Variants in DENND1B observed in about 807,000 individuals in gnomAD.
DENND1B encodes the protein DENN domain-containing protein 1B.
In DENND1B, 59 loss-of-function variants were observed where a neutral mutation model predicts 90.1. The ratio of observed to expected loss-of-function variants is 0.65; its 90% CI spans 0.53 to 0.81. The LOEUF is 0.81. Among genes scored for constraint, DENND1B ranks in the 40% least tolerant of loss-of-function variants. The pLI is 0.00. For synonymous variants in DENND1B, 337 were observed against 324.6 expected (o/e 1.04, Z -0.41); for missense variants, 862 against 912.6 (o/e 0.94, Z 0.71).
chr1:197,602,827 T>C (rs1462404469), intron 13 of DENND1B, among the ~76,000 whole-genome samples: 1 of 151,514 alleles, frequency 6.6e-6, no homozygotes, highest in Non-Finnish European at 1.5e-5. Flanking sequence ...TTCAAATATT[T>C]GATATCAGAA....
intron 3 of DENND1B, among the ~76,000 whole-genome samples, chr1:197,679,513 A>G (rs1411963158): frequency 2.0e-5 from 3 of 151,810 alleles, no homozygotes; most frequent in African/African-American, 7.2e-5. Context: ...CCCATTTTAT[A>G]TAAAGGACTT....
intron 2 of DENND1B, among the ~76,000 whole-genome samples, chr1:197,718,620 C>A (rs1284500184): frequency 6.6e-6 from 1 of 151,776 alleles, no homozygotes; most frequent in Non-Finnish European, 1.5e-5. Context: ...ACTGCAGGAG[C>A]ACATAATAAG....
At chr1:197,701,084 T>C (rs560024597) in intron 3 of DENND1B, among the ~76,000 whole-genome samples, 36 of 152,274 alleles carry the variant, frequency 2.4e-4, no homozygotes, top group African/African-American at 7.9e-4. Context: ...ACTAAGCATA[T>C]ACCCAAAGGA....
At chr1:197,779,031 C>T (rs1489051651), upstream of DENND1B, among the ~76,000 whole-genome samples, 1 of 152,146 alleles carries the variant, frequency 6.6e-6, no homozygotes, top group East Asian at 1.9e-4. Context: ...TTGTTTTATA[C>T]AGTCCATGTT....
chr1:197,589,993 A>AT (rs974411319), intron 14 of DENND1B, among the ~76,000 whole-genome samples: 1 of 152,102 alleles, frequency 6.6e-6, no homozygotes, highest in Non-Finnish European at 1.5e-5. Flanking sequence ...AATTTGACTT[A>AT]TTTTTTTATA....
At chr1:197,757,172 T>C (rs918456602) in intron 2 of DENND1B, 1 of 152,068 alleles carries the variant, frequency 6.6e-6, no homozygotes, top group Middle Eastern at 3.2e-3. Context: ...CATCATAGGT[T>C]TACAGAAGAA....
At chr1:197,726,982 A>C (rs1470873500) in intron 2 of DENND1B, among the ~76,000 whole-genome samples, 1 of 152,228 alleles carries the variant, frequency 6.6e-6, no homozygotes, top group African/African-American at 2.4e-5. Flanking sequence ...AAGCAAATGA[A>C]AGTAGAGATG....
Position 197,746,831 on chromosome 1 carries a change from G to A in DENND1B, c.82+26037C>T, listed in dbSNP as rs959452942. The A allele has an allele frequency of 1.9e-6, 3 of 1,611,352 alleles. No homozygotes were observed. The African/African-American group carries it at 4.0e-5, about 22-fold the overall frequency. On this transcript the variant is annotated intron_variant, in intron 2 of 22. Coordinates refer to ENST00000620048, the MANE Select transcript of DENND1B (RefSeq NM_001195215.2). ...TGCAAGTTTCTTCTTTTTGGGGGCA[G>A]CCTGTGAATTTTCAACCTCCTTTTT...
At chr1:197,517,554 C>T (rs1177914399) in intron 20 of DENND1B, among the ~76,000 whole-genome samples, 1 of 151,872 alleles carries the variant, frequency 6.6e-6, no homozygotes, top group Non-Finnish European at 1.5e-5. Flanking sequence ...TTCAAAAATA[C>T]GTAGTAACTG....
chr1:197,729,313 G>GAT (rs1661941898), intron 2 of DENND1B, among the ~76,000 whole-genome samples: 2 of 151,968 alleles, frequency 1.3e-5, no homozygotes, highest in South Asian at 2.1e-4. Flanking sequence ...CCATTCAATG[G>GAT]ATATATATAA....
At chr1:197,675,469 G>A (rs1464605065) in intron 3 of DENND1B, among the ~76,000 whole-genome samples, 1 of 151,800 alleles carries the variant, frequency 6.6e-6, no homozygotes, top group Non-Finnish European at 1.5e-5. Flanking sequence ...TCTTAGGGCA[G>A]GGTACCCTGG....
At chr1:197,752,650 A>G (rs1202651659) in intron 2 of DENND1B, among the ~76,000 whole-genome samples, 1 of 151,632 alleles carries the variant, frequency 6.6e-6, no homozygotes, top group Admixed American at 6.6e-5. Context: ...TTTTTTCTTT[A>G]TTATTATTAT....
intron 10 of DENND1B, among the ~76,000 whole-genome samples, chr1:197,618,874 T>C (rs924736222): frequency 6.6e-6 from 1 of 151,124 alleles, no homozygotes; most frequent in Non-Finnish European, 1.5e-5. Context: ...CACAATTAAT[T>C]TAAAAAAATG....
intron 15 of DENND1B, among the ~76,000 whole-genome samples, chr1:197,575,407 G>A (rs951190606): frequency 1.3e-5 from 2 of 152,148 alleles, no homozygotes; most frequent in Non-Finnish European, 2.9e-5. Flanking sequence ...ATTTAGAATG[G>A]TGATCATTAA....
chr1:197,594,199 C>G (rs547117574), intron 14 of DENND1B, among the ~76,000 whole-genome samples: 4 of 150,294 alleles, frequency 2.7e-5, no homozygotes, highest in African/African-American at 1.0e-4. Context: ...TTTAAGGAAT[C>G]CTTCCAATAA....
intron 2 of DENND1B, among the ~76,000 whole-genome samples, chr1:197,715,292 A>G (rs560121472): frequency 1.3e-5 from 2 of 152,132 alleles, no homozygotes; most frequent in African/African-American, 4.8e-5. Flanking sequence ...ATAGAAATAA[A>G]TGATATTAAT....
rs560373475 is a variant in DENND1B, at chr1:197,775,130, C to T, written c.17+9G>A. 2.3e-6 allele frequency: 3 copies of T among 1,291,204 alleles called. No individual in the cohort carries two copies. Among genetic ancestry groups the T allele is most frequent in the African/African-American group, 1.5e-5 (1 of 64,834 alleles). 80.0% of individuals were successfully genotyped at this position (1,291,204 alleles called of 1,614,324 possible). A position where few individuals can be genotyped will look rare whatever the true frequency, so the allele number is the denominator to read the frequency against. ...CCCGCCCCCGACGCGCCCGGGCCCC[C>T]CCACTCACTTGGTCCTGCAGTCCAT... On this transcript the variant is annotated intron_variant, in intron 1 of 22. Transcript: ENST00000620048.
At chr1:197,652,806 C>T (rs1653384886) in intron 6 of DENND1B, among the ~76,000 whole-genome samples, 1 of 151,946 alleles carries the variant, frequency 6.6e-6, no homozygotes, top group South Asian at 2.1e-4. Flanking sequence ...TTCTACATTG[C>T]TACTGGTCAC....
chr1:197,719,984 T>C (rs1257435834), intron 2 of DENND1B, among the ~76,000 whole-genome samples: 1 of 152,198 alleles, frequency 6.6e-6, no homozygotes, highest in Non-Finnish European at 1.5e-5. Context: ...CTTCTACTTA[T>C]GAATAACACA....
Sources: gnomAD v4.1 joint callset for allele counts (sites outside exome capture counted in the v4.1 genomes callset) on GRCh38, gnomAD v4.1.1 for gene constraint, MANE v1.5 for transcripts, NCBI Gene and HGNC (gene_info 2026-07-23, HGNC 2026-07-21) for gene names.